The following JAZF1 variants were observed in gnomAD, a reference collection of about 807,000 sequenced individuals.
The protein encoded by JAZF1 is juxtaposed with another zinc finger protein 1.
In JAZF1, 8 loss-of-function variants were observed where a neutral mutation model predicts 26.4. The observed-to-expected ratio is 0.30, with a 90% confidence interval of 0.18 to 0.55. The LOEUF is 0.55. JAZF1 is among the 20% of genes least tolerant of loss of function. The pLI is 0.94. For missense variants in JAZF1, 199 were observed against 322.0 expected (o/e 0.62, Z 2.92); for synonymous variants, 126 against 122.3 (o/e 1.03, Z -0.20).
At chr7:27,956,514 A>G (rs968035523) in intron 2 of JAZF1, among the ~76,000 whole-genome samples, 1 of 152,138 alleles carries the variant, frequency 6.6e-6, no homozygotes, top group Non-Finnish European at 1.5e-5. Context: ...ATTCCCTAAT[A>G]TCCCCTCCAC....
At chr7:27,976,762 T>TA (rs1175798502) in intron 2 of JAZF1, among the ~76,000 whole-genome samples, 4 of 152,214 alleles carry the variant, frequency 2.6e-5, no homozygotes, top group East Asian at 1.9e-4. Flanking sequence ...TTGTTTGTAT[T>TA]AAAAAAATAG....
intron 1 of JAZF1, among the ~76,000 whole-genome samples, chr7:28,175,175 T>C (rs1783530372): frequency 6.6e-6 from 1 of 152,192 alleles, no homozygotes. Flanking sequence ...CAAATGCCTC[T>C]GCCAGGGTGT....
intron 1 of JAZF1, among the ~76,000 whole-genome samples, chr7:28,172,147 A>G (rs1482591641): frequency 6.6e-6 from 1 of 152,232 alleles, no homozygotes; most frequent in African/African-American, 2.4e-5. Context: ...GAATCCTCAT[A>G]TCACAATGAC....
intron 3 of JAZF1, among the ~76,000 whole-genome samples, chr7:27,885,061 C>A (rs1783834995): frequency 6.6e-6 from 1 of 152,156 alleles, no homozygotes; most frequent in African/African-American, 2.4e-5. Context: ...AGTCAAAACT[C>A]CCCCGGTTCT....
chr7:27,886,076 G>C (rs1296225990), intron 3 of JAZF1, among the ~76,000 whole-genome samples: 1 of 152,214 alleles, frequency 6.6e-6, no homozygotes, highest in African/African-American at 2.4e-5. Context: ...CTTGAAAGCA[G>C]AGCGGGGATA....
intron 1 of JAZF1, among the ~76,000 whole-genome samples, chr7:28,175,834 G>C (rs1051433033): frequency 1.3e-5 from 2 of 152,184 alleles, no homozygotes; most frequent in Non-Finnish European, 2.9e-5. Flanking sequence ...ATTATAAACT[G>C]TACCTTAGTT....
intron 1 of JAZF1, among the ~76,000 whole-genome samples, chr7:28,108,035 C>G (rs958861079): frequency 3.3e-5 from 5 of 152,168 alleles, no homozygotes; most frequent in Non-Finnish European, 7.3e-5. Context: ...CTGATCAGAC[C>G]TGGGGGGTGG....
At chr7:28,128,281 T>C (rs554930377) in intron 1 of JAZF1, among the ~76,000 whole-genome samples, 2 of 152,234 alleles carry the variant, frequency 1.3e-5, no homozygotes, top group African/African-American at 2.4e-5. Context: ...CCCAGCACTA[T>C]GGAAGGCCGA....
intron 1 of JAZF1, among the ~76,000 whole-genome samples, chr7:28,018,605 C>T (rs986174861): frequency 1.3e-5 from 2 of 152,084 alleles, no homozygotes; most frequent in Admixed American, 6.6e-5. Flanking sequence ...TATCCAGAAC[C>T]CATTATTACA....
intron 2 of JAZF1, among the ~76,000 whole-genome samples, chr7:27,967,104 G>A (rs1308659154): frequency 6.6e-6 from 1 of 152,130 alleles, no homozygotes; most frequent in East Asian, 1.9e-4. Flanking sequence ...ATACACATAT[G>A]TATCCCAGAC....
chr7:27,905,178 T>C (rs1784231174), intron 2 of JAZF1, among the ~76,000 whole-genome samples: 1 of 152,122 alleles, frequency 6.6e-6, no homozygotes, highest in Non-Finnish European at 1.5e-5. Flanking sequence ...TGCCCAGGCT[T>C]GTCTCTATCT....
intron 1 of JAZF1, among the ~76,000 whole-genome samples, chr7:28,115,443 A>T (rs1454226458): frequency 6.6e-6 from 1 of 152,202 alleles, no homozygotes; most frequent in Non-Finnish European, 1.5e-5. Flanking sequence ...CAAAAGCCAG[A>T]TGTGGCCAGT....
chr7:28,030,682 A>C (rs1783174232), intron 1 of JAZF1, among the ~76,000 whole-genome samples: 1 of 152,244 alleles, frequency 6.6e-6, no homozygotes, highest in Admixed American at 6.5e-5. Context: ...TTATAATGTG[A>C]AGTACAGGTC....
intron 1 of JAZF1, among the ~76,000 whole-genome samples, chr7:28,053,535 A>G (rs1262568423): frequency 6.6e-6 from 1 of 152,248 alleles, no homozygotes; most frequent in Non-Finnish European, 1.5e-5. Flanking sequence ...GAAATCTTTT[A>G]CAGGAGTGTA....
chr7:28,068,430 C>G (rs1457375627), intron 1 of JAZF1, among the ~76,000 whole-genome samples: 1 of 152,108 alleles, frequency 6.6e-6, no homozygotes, highest in African/African-American at 2.4e-5. Context: ...CTTGTCGTAT[C>G]AATTATACCA....
intron 1 of JAZF1, among the ~76,000 whole-genome samples, chr7:28,036,896 C>T (rs1290121702): frequency 1.3e-5 from 2 of 152,160 alleles, no homozygotes; most frequent in Non-Finnish European, 1.5e-5. Context: ...GCAACCCTCA[C>T]GGCAGCCCAT....
At chr7:27,984,184 G>C (rs113666532) in intron 2 of JAZF1, among the ~76,000 whole-genome samples, 71 of 152,332 alleles carry the variant, frequency 4.7e-4, no homozygotes, top group African/African-American at 7.5e-4. Context: ...AGACCCATCA[G>C]TGTGTTGTAT....
chr7:28,027,982 C>T (rs1783121682), intron 1 of JAZF1, among the ~76,000 whole-genome samples: 1 of 152,186 alleles, frequency 6.6e-6, no homozygotes, highest in Non-Finnish European at 1.5e-5. Context: ...GAGCCTATTA[C>T]ATTCTAAAAC....
At chr7:28,040,690 A>C (rs1298974244) in intron 1 of JAZF1, among the ~76,000 whole-genome samples, 3 of 152,152 alleles carry the variant, frequency 2.0e-5, no homozygotes, top group Non-Finnish European at 2.9e-5. Context: ...TATTTTGGAC[A>C]TATGGAGTTT....
Sources: allele counts gnomAD v4.1 joint callset (sites outside exome capture counted in the v4.1 genomes callset), GRCh38; gene constraint gnomAD v4.1.1; transcripts MANE v1.5; gene names NCBI Gene and HGNC (gene_info 2026-07-23, HGNC 2026-07-21).